ANTXR1: variants seen among roughly 807,000 people sequenced by gnomAD.
ANTXR1 encodes the protein ANTXR cell adhesion molecule 1.
A neutral mutation model predicts 78.1 loss-of-function variants in ANTXR1; 19 were observed. That is an observed-to-expected ratio of 0.24 (90% CI 0.17 to 0.36). The LOEUF (loss-of-function observed/expected upper bound fraction) is 0.36, where lower values mean the gene tolerates loss of function less well. ANTXR1 is among the 10% of genes least tolerant of loss of function. The pLI, the probability that ANTXR1 is intolerant of heterozygous loss-of-function variation, is 1.00. For synonymous variants in ANTXR1, 273 were observed against 260.5 expected, an observed-to-expected ratio of 1.05 and a Z score of -0.46; for missense variants, 518 against 718.6, an observed-to-expected ratio of 0.72 and a Z score of 3.19.
chr2:69,140,041 C>T (rs1362736246), intron 12 of ANTXR1, among the ~76,000 whole-genome samples: 2 of 152,170 alleles, frequency 1.3e-5, no homozygotes, highest in Non-Finnish European at 1.5e-5. Context: ...TAACAAGCTC[C>T]ATGCATTTTA....
At chr2:69,029,005 T>G (rs1288917425) in intron 1 of ANTXR1, among the ~76,000 whole-genome samples, 1 of 151,482 alleles carries the variant, frequency 6.6e-6, no homozygotes, top group Non-Finnish European at 1.5e-5. Flanking sequence ...TTACTTGAGG[T>G]CAGGAGTTCG....
intron 10 of ANTXR1, chr2:69,103,331 A>G (rs1671692238): frequency 3.0e-6 from 1 of 330,154 alleles, no homozygotes; most frequent in East Asian, 7.4e-5. Flanking sequence ...TTAGGACTGC[A>G]GAAACATGAG....
intron 17 of ANTXR1, among the ~76,000 whole-genome samples, chr2:69,217,116 C>A (rs981646048): frequency 6.6e-6 from 1 of 152,188 alleles, no homozygotes; most frequent in African/African-American, 2.4e-5. Flanking sequence ...TTCGGCAAAC[C>A]TTTGCTCCCA....
chr2:69,232,260 C>T (rs1675638057), intron 17 of ANTXR1, among the ~76,000 whole-genome samples: 1 of 152,044 alleles, frequency 6.6e-6, no homozygotes, highest in Non-Finnish European at 1.5e-5. Flanking sequence ...GGATATTTAA[C>T]AGCACCCTTC....
At chr2:69,042,768 G>A (rs1208566344) in intron 2 of ANTXR1, among the ~76,000 whole-genome samples, 1 of 152,074 alleles carries the variant, frequency 6.6e-6, no homozygotes, top group African/African-American at 2.4e-5. Context: ...GCTCGCCAAG[G>A]TCTCACCCAG....
rs550818854 is a variant in ANTXR1 at position 69,055,095 on chromosome 2, G to A, written c.296+10282G>A. 4.5e-4 allele frequency among the ~76,000 whole-genome samples: 68 copies of A among 152,282 alleles called. 1 individual carries two copies. Among genetic ancestry groups the A allele is most frequent in the Admixed American group, 4.4e-3 (68 of 15,298 alleles). Reference sequence around the variant, plus strand: ...CATAGTAAGTGCTCAATTAACCTTAGTTGTTGTTACTATTGTGGTTGTTGT... The same window carrying A: ...CATAGTAAGTGCTCAATTAACCTTAATTGTTGTTACTATTGTGGTTGTTGT... On this transcript the variant is annotated intron_variant, in intron 3 of 17. Transcript: ENST00000303714.
chr2:69,222,581 A>G (rs1444218859), intron 17 of ANTXR1, among the ~76,000 whole-genome samples: 1 of 152,244 alleles, frequency 6.6e-6, no homozygotes, highest in East Asian at 1.9e-4. Flanking sequence ...AGGCTACTGT[A>G]ATATCAGGCA....
intron 6 of ANTXR1, 54 bp from the exon 7 acceptor site, chr2:69,075,536 G>A (rs1255021428): frequency 6.5e-6 from 10 of 1,549,120 alleles, no homozygotes; most frequent in Middle Eastern, 1.7e-4. Context: ...AGCTCCAAGA[G>A]GAGTTCATTT....
Position 69,096,272 on chromosome 2 carries a change from G to T in ANTXR1, c.703+5353G>T, listed in dbSNP as rs1007061827. Among the ~76,000 whole-genome samples the T allele has an allele frequency of 1.0e-3, 9 of 8,620 alleles. 1 individual carries two copies. The African/African-American group carries it at 0.016, about 15-fold the overall frequency. The allele number at this position is 8,620 out of a possible 152,430, so 5.7% of individuals were successfully genotyped here. On this transcript the variant is annotated intron_variant, in intron 9 of 17. Coordinates refer to ENST00000303714, the MANE Select transcript of ANTXR1 (RefSeq NM_032208.3). Reference sequence around the variant, plus strand: ...GACTCCGTCAAAAGGAAGGAAGGAAGGAAGGAAGGAAGGAAGGGAGGAAGG... The same window carrying T: ...GACTCCGTCAAAAGGAAGGAAGGAATGAAGGAAGGAAGGAAGGGAGGAAGG...
At chr2:69,228,898 G>C (rs1675526405) in intron 17 of ANTXR1, among the ~76,000 whole-genome samples, 1 of 152,136 alleles carries the variant, frequency 6.6e-6, no homozygotes, top group Non-Finnish European at 1.5e-5. Flanking sequence ...TTAAACAACA[G>C]AAATTTATTT....
At chr2:69,096,266 A>C (rs1169133411) in intron 9 of ANTXR1, among the ~76,000 whole-genome samples, 2 of 7,160 alleles carry the variant, frequency 2.8e-4, no homozygotes, top group Non-Finnish European at 4.0e-4. Context: ...AAAAGGAAGG[A>C]AGGAAGGAAG....
At chr2:69,090,635 A>T (rs1671201450) in intron 8 of ANTXR1, 1 of 593,224 alleles carries the variant, frequency 1.7e-6, no homozygotes. Context: ...AAATGAATGA[A>T]TAATTCTTAG....
intron 17 of ANTXR1, among the ~76,000 whole-genome samples, chr2:69,216,775 C>T (rs1675188658): frequency 1.3e-5 from 2 of 152,188 alleles, no homozygotes; most frequent in Non-Finnish European, 2.9e-5. Flanking sequence ...AGCCCTTTCA[C>T]GGGACCACTG....
At chr2:69,099,230 C>T (rs1030615782) in intron 9 of ANTXR1, among the ~76,000 whole-genome samples, 9 of 152,142 alleles carry the variant, frequency 5.9e-5, no homozygotes, top group Admixed American at 2.0e-4. Context: ...TTGTGTCTTG[C>T]TTCTTTTATT....
rs1671230090 is a variant in ANTXR1 at position 69,091,351 on chromosome 2, G to T, written c.703+432G>T. Among the ~76,000 whole-genome samples, 3 of 142,516 alleles carry T rather than the reference G, an allele frequency of 2.1e-5. No homozygotes were observed. In the South Asian group the frequency reaches 6.7e-4, roughly 32 times the overall value. 93.5% of individuals were successfully genotyped at this position (142,516 alleles called of 152,430 possible). On this transcript the variant is annotated intron_variant, in intron 9 of 17. Coordinates refer to ENST00000303714, the MANE Select transcript of ANTXR1 (RefSeq NM_032208.3). ...AGCTACTCGGGAGGCTGAGGAAGGA[G>T]AATCTCTTGAACCCGGGAGGCAGAG...
chr2:69,143,302 A>T (rs1673122225), intron 12 of ANTXR1, among the ~76,000 whole-genome samples: 1 of 152,228 alleles, frequency 6.6e-6, no homozygotes, highest in Non-Finnish European at 1.5e-5. Flanking sequence ...GAGGATCAGG[A>T]TATACTGATG....
At chr2:69,180,108 T>G (rs1044912298) in intron 14 of ANTXR1, among the ~76,000 whole-genome samples, 1 of 152,228 alleles carries the variant, frequency 6.6e-6, no homozygotes, top group Non-Finnish European at 1.5e-5. Flanking sequence ...AAGCACAACA[T>G]GTAACTCAGG....
intron 12 of ANTXR1, among the ~76,000 whole-genome samples, chr2:69,137,940 C>G (rs1395392637): frequency 2.0e-5 from 3 of 151,496 alleles, no homozygotes; most frequent in Admixed American, 2.0e-4. Flanking sequence ...AAAAATTAGC[C>G]AGGTGTGGTA....
intron 16 of ANTXR1, among the ~76,000 whole-genome samples, chr2:69,187,649 G>A (rs1295698863): frequency 1.4e-5 from 2 of 141,516 alleles, no homozygotes; most frequent in African/African-American, 2.7e-5. Context: ...GTGCAGTGGC[G>A]CAATCTCAGC....
Sources: gnomAD v4.1 joint callset for allele counts (sites outside exome capture counted in the v4.1 genomes callset) on GRCh38, gnomAD v4.1.1 for gene constraint, MANE v1.5 for transcripts, NCBI Gene and HGNC (gene_info 2026-07-23, HGNC 2026-07-21) for gene names.